Variants in ST3GAL4 observed in about 807,000 individuals in gnomAD.
ST3GAL4 encodes the protein CMP-N-acetylneuraminate-beta-galactosamide-alpha-2,3-sialyltransferase 4.
In ST3GAL4, 24 loss-of-function variants were observed where a neutral mutation model predicts 42.6. The ratio of observed to expected loss-of-function variants is 0.56; its 90% CI spans 0.41 to 0.79. The LOEUF is 0.79. Ranked by LOEUF, ST3GAL4 falls within the 30% of genes least tolerant of loss-of-function variation. The pLI, the probability that ST3GAL4 is intolerant of heterozygous loss-of-function variation, is 0.00. For missense variants in ST3GAL4, 311 were observed against 430.8 expected (o/e 0.72, Z 2.46); for synonymous variants, 135 against 163.2 (o/e 0.83, Z 1.32).
At position 126,407,783 on chromosome 11, in the gene ST3GAL4, C is replaced by T. The variant is rs545098870; in HGVS notation, c.341+149C>T. On this transcript the variant is annotated intron_variant, in intron 6 of 10. Coordinates refer to ENST00000444328, the MANE Select transcript of ST3GAL4 (RefSeq NM_001254757.2). The stretch of plus-strand genomic sequence containing the variant: ...TCTCATGGTAGCCTAGCCTGGGCAT[C>T]TGGGTGCAGAGTGGGCAGAGGCTGC... 4 of 924,776 alleles carry T rather than the reference C, an allele frequency of 4.3e-6. No individual in the cohort carries two copies. In the East Asian group the frequency reaches 1.1e-4, roughly 24 times the overall value. The allele number at this position is 924,776 out of a possible 1,614,324, so 57.3% of individuals were successfully genotyped here.
chr11:126,408,327 C>T lies in ST3GAL4; in HGVS notation c.458C>T (p.Ala153Val). Residue 153 changes from alanine (A) to valine (V), a missense_variant, in exon 8 of 11, where the codon GCT becomes GTT. Ala to Val is a moderately conservative substitution (Grantham distance 64). Transcript: ENST00000444328. The part of the protein sequence containing the change: ...VVIRLNNAPV[A>V]GYEGDVGSKT... The stretch of plus-strand genomic sequence containing the variant: ...CCCAGATTGAACAATGCCCCAGTGG[C>T]TGGCTATGAGGGTGACGTGGGCTCC... 1 of 1,614,200 alleles carries T rather than the reference C, an allele frequency of 6.2e-7. No homozygotes were observed. Among genetic ancestry groups the T allele is most frequent in the Non-Finnish European group, 8.5e-7 (1 of 1,180,016 alleles).
intron 1 of ST3GAL4, among the ~76,000 whole-genome samples, chr11:126,389,724 A>T (rs1385211276): frequency 6.6e-6 from 1 of 152,166 alleles, no homozygotes; most frequent in Non-Finnish European, 1.5e-5. Flanking sequence ...GTCATAAGCC[A>T]CCAAGCCCAG....
At chr11:126,368,789 CCTTTGCACGCTCAGAT>C (rs1952527818) in intron 1 of ST3GAL4, among the ~76,000 whole-genome samples, 1 of 152,166 alleles carries the variant, frequency 6.6e-6, no homozygotes, top group African/African-American at 2.4e-5. Context: ...GATGCCCAGG[CCTTTGCACGCTCAGAT>C]CTTTGCACCC....
rs184622034 is a variant in ST3GAL4, at chr11:126,409,349, A to G, written c.709A>G (p.Met237Val). ...KQIRILNPFF[M>V]EIAADKLLSL... ...GATTCGGATTCTCAACCCCTTCTTC[A>G]TGGAGATTGCAGCTGACAAACTGCT... The change falls in exon 9 of 11, where the codon ATG becomes GTG. Residue 237 changes from methionine (M) to valine (V), a missense_variant. Coordinates refer to ENST00000444328, the MANE Select transcript of ST3GAL4 (RefSeq NM_001254757.2). This position sits in a 1 kb window ranked among gnomAD's most constrained non-coding sequence, Gnocchi z 4.9. 6.2e-7 allele frequency: 1 copy of G among 1,614,194 alleles called. No individual in the cohort carries two copies. The highest frequency in any genetic ancestry group is 2.2e-5 in the East Asian group (1 of 44,880).
In ST3GAL4 at chr11:126,373,896, C is replaced by T. The variant is rs1343768035; in HGVS notation, c.-61+18054C>T. Among the ~76,000 whole-genome samples, 1 of 152,102 alleles carries T rather than the reference C, an allele frequency of 6.6e-6. No individual in the cohort carries two copies. The highest frequency in any genetic ancestry group is 2.4e-5 in the African/African-American group (1 of 41,404). On this transcript the variant is annotated intron_variant, in intron 1 of 10. Coordinates refer to ENST00000444328, the MANE Select transcript of ST3GAL4 (RefSeq NM_001254757.2). This position sits in a 1 kb window ranked among gnomAD's most constrained non-coding sequence, Gnocchi z 5.5. ...CAGCGTCCAGCCAGGGACTGTGCCGCAGGGGCCAGAAGATATCTGACCTAC... is the reference window on the plus strand; with the variant it reads ...CAGCGTCCAGCCAGGGACTGTGCCGTAGGGGCCAGAAGATATCTGACCTAC...
Position 126,383,617 on chromosome 11 carries a change from G to T in ST3GAL4, c.-60-22479G>T, listed in dbSNP as rs141634696. Among the ~76,000 whole-genome samples, 1 of 152,178 alleles carries T rather than the reference G, an allele frequency of 6.6e-6. No homozygotes were observed. The highest frequency in any genetic ancestry group is 1.5e-5 in the Non-Finnish European group (1 of 68,036). On this transcript the variant is annotated intron_variant, in intron 1 of 10. Transcript: ENST00000444328. The surrounding 1 kb of genome is among the most constrained non-coding windows in gnomAD (Gnocchi z 4.5). Reference sequence around the variant, plus strand: ...TGTGTGTGTGACCAAGCTTGCGGGCGCCTGAGTATGGACTAGTGTGTTTGT... The same window carrying T: ...TGTGTGTGTGACCAAGCTTGCGGGCTCCTGAGTATGGACTAGTGTGTTTGT...
At chr11:126,368,476 C>A (rs144792984) in intron 1 of ST3GAL4, among the ~76,000 whole-genome samples, 1 of 152,208 alleles carries the variant, frequency 6.6e-6, no homozygotes, top group Non-Finnish European at 1.5e-5. Context: ...CCCCAGCCTG[C>A]GCTGGGACAG....
rs964158461 is a variant in ST3GAL4 at position 126,363,894 on chromosome 11, C to T, written c.-61+8052C>T. Among the ~76,000 whole-genome samples, 12 of 152,256 alleles carry T rather than the reference C, an allele frequency of 7.9e-5. No homozygotes were observed. The highest frequency in any genetic ancestry group is 2.9e-4 in the African/African-American group (12 of 41,478). On this transcript the variant is annotated intron_variant, in intron 1 of 10. Coordinates refer to ENST00000444328, the MANE Select transcript of ST3GAL4 (RefSeq NM_001254757.2). The surrounding 1 kb of genome is among the most constrained non-coding windows in gnomAD (Gnocchi z 4.6). ...CACCCTCCCAGGCCCGGCACCGTGT[C>T]GCCCTGCCCCAGCCCAGAGCTTGCC...
rs1161218996 is a variant in ST3GAL4 at position 126,373,303 on chromosome 11, T to C, written c.-61+17461T>C. 6.6e-6 allele frequency among the ~76,000 whole-genome samples: 1 copy of C among 152,148 alleles called. No homozygotes were observed. The highest frequency in any genetic ancestry group is 2.4e-5 in the African/African-American group (1 of 41,426). On this transcript the variant is annotated intron_variant, in intron 1 of 10. Transcript: ENST00000444328. The surrounding 1 kb of genome is among the most constrained non-coding windows in gnomAD (Gnocchi z 5.5). ...CAATTTTGCCTTTAACTTCAGATCC[T>C]TGGGGTGGGTGCATTGCTTCTCCTG... is the stretch of plus-strand genomic sequence containing the variant.
At chr11:126,407,480 G>A in intron 5 of ST3GAL4, 94 bp from the exon 6 acceptor site, 7 of 1,572,662 alleles carry the variant, frequency 4.5e-6, no homozygotes, top group Non-Finnish European at 6.1e-6. Flanking sequence ...GGAAGAAGAA[G>A]GCAGCCAGCG....
At chr11:126,408,566 T>C in intron 8 of ST3GAL4, 70 bp downstream of exon 8, 1 of 1,542,328 alleles carries the variant, frequency 6.5e-7, no homozygotes, top group Non-Finnish European at 8.8e-7. Context: ...GACCTCACGC[T>C]CCTTGATGTC....
intron 1 of ST3GAL4, chr11:126,374,880 G>A (rs934997166): frequency 2.0e-5 from 3 of 151,982 alleles, no homozygotes; most frequent in Admixed American, 6.6e-5. Flanking sequence ...CGTAGCCTGC[G>A]CTCACTGTAC....
chr11:126,408,057 T>TA, intron 6 of ST3GAL4, 42 bp from the exon 7 acceptor site: 1 of 1,601,970 alleles, frequency 6.2e-7, no homozygotes, highest in Non-Finnish European at 8.5e-7. Context: ...GAGCCTGGGT[T>TA]AGAGTGTGGG....
In ST3GAL4 at chr11:126,378,501, C is replaced by T. The variant is rs565837954; in HGVS notation, c.-61+22659C>T. Reference sequence around the variant, plus strand: ...TTGGCTCACTGCAACCTCTGCTTCCCGGGTTCATGCGATTCTCCTGCCTCA... The same window carrying T: ...TTGGCTCACTGCAACCTCTGCTTCCTGGGTTCATGCGATTCTCCTGCCTCA... On this transcript the variant is annotated intron_variant, in intron 1 of 10. Transcript: ENST00000444328. This position sits in a 1 kb window ranked among gnomAD's most constrained non-coding sequence, Gnocchi z 5.3. 3.3e-5 allele frequency among the ~76,000 whole-genome samples: 5 copies of T among 152,198 alleles called. 1 individual carries two copies. The South Asian group carries it at 8.3e-4, about 25-fold the overall frequency.
At position 126,363,555 on chromosome 11, in the gene ST3GAL4, A is replaced by C. The variant is rs1952322647; in HGVS notation, c.-61+7713A>C. Among the ~76,000 whole-genome samples the C allele has an allele frequency of 6.6e-6, 1 of 152,208 alleles. No homozygotes were observed. Among genetic ancestry groups the C allele is most frequent in the African/African-American group, 2.4e-5 (1 of 41,460 alleles). On this transcript the variant is annotated intron_variant, in intron 1 of 10. Coordinates refer to ENST00000444328, the MANE Select transcript of ST3GAL4 (RefSeq NM_001254757.2). The surrounding 1 kb of genome is among the most constrained non-coding windows in gnomAD (Gnocchi z 4.6). ...CTCTTCCAGGAGTTGAGTTTGGCGA[A>C]GAGACAGTGCCTGCCCAAAGTATGC...
intron 1 of ST3GAL4, chr11:126,358,383 T>C: frequency 2.6e-6 from 1 of 389,920 alleles, no homozygotes; most frequent in Non-Finnish European, 5.2e-6. Context: ...CTCTTGTTAT[T>C]AACCCCCTCT....
At chr11:126,361,477 T>G (rs1227042996) in intron 1 of ST3GAL4, among the ~76,000 whole-genome samples, 1 of 152,058 alleles carries the variant, frequency 6.6e-6, no homozygotes, top group Admixed American at 6.6e-5. Context: ...TTGCTTCTGC[T>G]GCCCCCTCAC....
At chr11:126,356,019 G>C (rs964898724) in intron 1 of ST3GAL4, 177 bp downstream of exon 1, 2 of 152,278 alleles carry the variant, frequency 1.3e-5, no homozygotes, top group East Asian at 1.9e-4. Flanking sequence ...GCTGCTTTCC[G>C]GGGTCCCTTT....
In ST3GAL4 at chr11:126,411,061, G is replaced by A. The variant is rs1437370711; in HGVS notation, c.771+1650G>A. On this transcript the variant is annotated intron_variant, in intron 9 of 10. Coordinates refer to ENST00000444328, the MANE Select transcript of ST3GAL4 (RefSeq NM_001254757.2). The surrounding 1 kb of genome is among the most constrained non-coding windows in gnomAD (Gnocchi z 6.3). Reference sequence around the variant, plus strand: ...TAGGATTACAGATGGAGAGGAGGCTGGAGAGGGAGATGAGAGAGGGCGAGG... The same window carrying A: ...TAGGATTACAGATGGAGAGGAGGCTAGAGAGGGAGATGAGAGAGGGCGAGG... 2.0e-5 allele frequency among the ~76,000 whole-genome samples: 3 copies of A among 152,204 alleles called. No individual in the cohort carries two copies. The highest frequency in any genetic ancestry group is 4.4e-5 in the Non-Finnish European group (3 of 68,038).
Sources: gnomAD v4.1 joint callset for allele counts (sites outside exome capture counted in the v4.1 genomes callset) on GRCh38, gnomAD v4.1.1 for gene constraint, Gnocchi (gnomAD v3.1) non-coding constraint, MANE v1.5 for transcripts, NCBI Gene and HGNC (gene_info 2026-07-23, HGNC 2026-07-21) for gene names.